ZNF776: variants seen among roughly 807,000 people sequenced by gnomAD.
ZNF776 encodes the protein zinc finger protein 776.
A neutral mutation model predicts 7.0 loss-of-function variants in ZNF776; 4 were observed. The observed-to-expected ratio is 0.57, with a 90% confidence interval of 0.28 to 1.31. The LOEUF is 1.31. Ranked by LOEUF, ZNF776 falls within the 50% of genes most tolerant of loss-of-function variation. The probability of loss-of-function intolerance (pLI) is 0.10; values close to 1 mark genes in which losing one functional copy is unlikely to be tolerated. For synonymous variants in ZNF776, 212 were observed against 213.7 expected, an observed-to-expected ratio of 0.99 and a Z score of 0.07; for missense variants, 555 against 625.9, an observed-to-expected ratio of 0.89 and a Z score of 1.21.
In ZNF776 at chr19:57,753,837, A is replaced by T. The variant is rs752240387; in HGVS notation, c.707A>T (p.Tyr236Phe). The T allele has an allele frequency of 1.2e-6, 2 of 1,614,224 alleles. No homozygotes were observed. Among genetic ancestry groups the T allele is most frequent in the Non-Finnish European group, 1.7e-6 (2 of 1,180,032 alleles). Residue 236 changes from tyrosine to phenylalanine, a missense_variant, in exon 3 of 3, where the codon TAT (tyrosine) becomes TTT (phenylalanine). Coordinates refer to ENST00000317178, the MANE Select transcript of ZNF776 (RefSeq NM_173632.4). ...HQRLLPREGPYVCSDSGKFTS... is the reference protein window; with the variant it reads ...HQRLLPREGPFVCSDSGKFTS... ...AGACTTCTCCCTAGAGAAGGACCTT[A>T]TGTATGCAGTGATTCTGGGAAATTC...
At chr19:57,752,451 T>C (rs534505070) in intron 2 of ZNF776, among the ~76,000 whole-genome samples, 1 of 152,328 alleles carries the variant, frequency 6.6e-6, no homozygotes, top group South Asian at 2.1e-4. Context: ...TGTATATCTT[T>C]GCAGTGGGAC....
Position 57,747,058 on chromosome 19 carries a change from G to A in ZNF776, c.-1G>A. ...CGACCCCGCTTTCCCCACCCAGTCG[G>A]ATGGCGGCGGCCGCGCTGAGGCCCC... On this transcript the variant is annotated 5_prime_UTR_variant, in exon 1 of 3. Transcript: ENST00000317178. The A allele has an allele frequency of 1.3e-6, 2 of 1,587,558 alleles. No homozygotes were observed. The highest frequency in any genetic ancestry group is 1.7e-6 in the Non-Finnish European group (2 of 1,167,028).
intron 1 of ZNF776, among the ~76,000 whole-genome samples, chr19:57,747,668 C>A (rs1986477915): frequency 6.6e-6 from 1 of 152,130 alleles, no homozygotes; most frequent in Non-Finnish European, 1.5e-5. Flanking sequence ...GAGGCCTGAG[C>A]TTATCAAATC....
Position 57,747,041 on chromosome 19 carries a change from C to A in ZNF776, c.-18C>A. 6.3e-7 allele frequency: 1 copy of A among 1,579,532 alleles called. No individual in the cohort carries two copies. Among genetic ancestry groups the A allele is most frequent in the East Asian group, 2.4e-5 (1 of 42,524 alleles). On this transcript the variant is annotated 5_prime_UTR_variant, in exon 1 of 3. Coordinates refer to ENST00000317178, the MANE Select transcript of ZNF776 (RefSeq NM_173632.4). Reference sequence around the variant, plus strand: ...TGCTCGCCCCCTCCTTTCGACCCCGCTTTCCCCACCCAGTCGGATGGCGGC... The same window carrying A: ...TGCTCGCCCCCTCCTTTCGACCCCGATTTCCCCACCCAGTCGGATGGCGGC...
chr19:57,746,917 G>T lies in ZNF776; in HGVS notation c.-142G>T. On this transcript the variant is annotated 5_prime_UTR_variant, in exon 1 of 3. Transcript: ENST00000317178. ...ACCCAGAAGGTGGAGACGAGACGTT[G>T]TCCCGACTGCACAGAGGCTGCTCTG... is the stretch of plus-strand genomic sequence containing the variant. 1 of 769,380 alleles carries T rather than the reference G, an allele frequency of 1.3e-6. No homozygotes were observed. The highest frequency in any genetic ancestry group is 2.0e-6 in the Non-Finnish European group (1 of 491,898). The allele number at this position is 769,380 out of a possible 1,614,324, so 47.7% of individuals were successfully genotyped here. A position where few individuals can be genotyped will look rare whatever the true frequency, so the allele number is the denominator to read the frequency against.
At chr19:57,750,688 C>T (rs1376241292) in intron 1 of ZNF776, 97 bp from the exon 2 acceptor site, 24 of 1,456,396 alleles carry the variant, frequency 1.6e-5, no homozygotes, top group Non-Finnish European at 1.9e-5. Flanking sequence ...CCTAGTTTCT[C>T]CTTGTAGTTT....
intron 1 of ZNF776, 105 bp downstream of exon 1, chr19:57,747,196 G>A (rs892911186): frequency 4.6e-6 from 6 of 1,302,070 alleles, no homozygotes; most frequent in Non-Finnish European, 6.3e-6. Context: ...TGAACCCGGC[G>A]TCGGGACACT....
chr19:57,751,788 A>G (rs1600067478), intron 2 of ZNF776, among the ~76,000 whole-genome samples: 1 of 138,056 alleles, frequency 7.2e-6, no homozygotes, highest in Non-Finnish European at 1.5e-5. Context: ...TAATCCTCCC[A>G]CCTGACTCCT....
At position 57,756,124 on chromosome 19, in the gene ZNF776, G is replaced by T. The variant is rs1986769189; in HGVS notation, c.*1437G>T. ...AAAGTTTACAAATTTGTGTTGGGCTGCATTCAAAGCTGTCCTGAGATACAT... is the reference window on the plus strand; with the variant it reads ...AAAGTTTACAAATTTGTGTTGGGCTTCATTCAAAGCTGTCCTGAGATACAT... On this transcript the variant is annotated 3_prime_UTR_variant, in exon 3 of 3. Transcript: ENST00000317178. 6.6e-6 allele frequency: 1 copy of T among 152,218 alleles called. No homozygotes were observed. Among genetic ancestry groups the T allele is most frequent in the Non-Finnish European group, 1.5e-5 (1 of 68,048 alleles). The allele number at this position is 152,218 out of a possible 1,614,324, so 9.4% of individuals were successfully genotyped here. A position where few individuals can be genotyped will look rare whatever the true frequency, so the allele number is the denominator to read the frequency against.
At chr19:57,751,044 T>G (rs1986588466) in intron 2 of ZNF776, 133 bp downstream of exon 2, 1 of 1,081,838 alleles carries the variant, frequency 9.2e-7, no homozygotes, top group East Asian at 2.9e-5. Context: ...CCTGGGTAGG[T>G]TCTATGTGGT....
In ZNF776 at chr19:57,756,134, C is replaced by T. The variant is rs1379011346; in HGVS notation, c.*1447C>T. The T allele has an allele frequency of 1.3e-5, 2 of 152,190 alleles. No homozygotes were observed. The highest frequency in any genetic ancestry group is 4.8e-5 in the African/African-American group (2 of 41,446). 9.4% of individuals were successfully genotyped at this position (152,190 alleles called of 1,614,324 possible). ...AATTTGTGTTGGGCTGCATTCAAAG[C>T]TGTCCTGAGATACATGCGGCCCACA... On this transcript the variant is annotated 3_prime_UTR_variant, in exon 3 of 3. Coordinates refer to ENST00000317178, the MANE Select transcript of ZNF776 (RefSeq NM_173632.4).
In ZNF776 at chr19:57,753,990, C is replaced by T. The variant is rs1299818398; in HGVS notation, c.860C>T (p.Thr287Ile). 3 of 1,614,090 alleles carry T rather than the reference C, an allele frequency of 1.9e-6. No homozygotes were observed. The highest frequency in any genetic ancestry group is 2.5e-6 in the Non-Finnish European group (3 of 1,180,038). The stretch of plus-strand genomic sequence containing the variant: ...CTCACTGAACACCAGAGAGTTCACA[C>T]TGGAGAAAGACCTTATGAGTGTGGA... Reference protein sequence around the residue: ...AHLTEHQRVHTGERPYECGEC... With the variant: ...AHLTEHQRVHIGERPYECGEC... The change falls in exon 3 of 3, where the codon ACT becomes ATT. Residue 287 changes from threonine (T) to isoleucine (I), a missense_variant. Coordinates refer to ENST00000317178, the MANE Select transcript of ZNF776 (RefSeq NM_173632.4).
Position 57,754,148 on chromosome 19 carries a change from C to G in ZNF776, c.1018C>G (p.Arg340Gly), listed in dbSNP as rs924404866. Residue 340 changes from arginine (R) to glycine (G), a missense_variant, in exon 3 of 3, where the codon CGA becomes GGA. By Grantham distance (125) the Arg-to-Gly change is moderately radical (BLOSUM62 -2). Coordinates refer to ENST00000317178, the MANE Select transcript of ZNF776 (RefSeq NM_173632.4). ...TAAGCGCAGCCTTGTTCACCACCAG[C>G]GAGTTCACACTGGAGAAAGACCTTA... ...SHKRSLVHHQ[R>G]VHTGERPYQC... 1 of 1,612,830 alleles carries G rather than the reference C, an allele frequency of 6.2e-7. No individual in the cohort carries two copies. The highest frequency in any genetic ancestry group is 1.3e-5 in the African/African-American group (1 of 74,444).
chr19:57,753,158 G>A (rs1407544878), intron 2 of ZNF776, 133 bp from the exon 3 acceptor site: 5 of 797,248 alleles, frequency 6.3e-6, no homozygotes, highest in Non-Finnish European at 8.1e-6. Flanking sequence ...TAAAGCATGT[G>A]GGTGCTATAT....
In ZNF776 at chr19:57,753,629, C is replaced by G; in HGVS notation, c.499C>G (p.His167Asp). Residue 167 changes from histidine to aspartate, a missense_variant, in exon 3 of 3, where the codon CAT (histidine) becomes GAT (aspartate). His to Asp is a moderately conservative substitution (Grantham distance 81, BLOSUM62 -1). Transcript: ENST00000317178. ...FHMSHEPFIF[H>D]EVGKDFLSSL... ...TATGTCACATGAGCCATTTATCTTT[C>G]ATGAGGTTGGGAAAGACTTTTTGTC... 6.2e-7 allele frequency: 1 copy of G among 1,614,114 alleles called. No individual in the cohort carries two copies. The highest frequency in any genetic ancestry group is 1.1e-5 in the South Asian group (1 of 91,080).
Position 57,754,538 on chromosome 19 carries a change from C to G in ZNF776, c.1408C>G (p.His470Asp). 1 of 1,614,098 alleles carries G rather than the reference C, an allele frequency of 6.2e-7. No homozygotes were observed. Among genetic ancestry groups the G allele is most frequent in the Non-Finnish European group, 8.5e-7 (1 of 1,180,018 alleles). ...GTGTGGAGAATGTGGGAAATGTTTT[C>G]ATCAAAAGGGCAGTCTCATTCGACA... The part of the protein sequence containing the change: ...HECGECGKCF[H>D]QKGSLIRHQQ... The change falls in exon 3 of 3, where the codon CAT becomes GAT. Residue 470 changes from histidine (H) to aspartate (D), a missense_variant. His to Asp is a moderately conservative substitution (Grantham distance 81, BLOSUM62 -1). Transcript: ENST00000317178.
chr19:57,756,991 T>A lies in ZNF776; in HGVS notation c.*2304T>A. The A allele has an allele frequency of 2.8e-6, 1 of 360,782 alleles. No individual in the cohort carries two copies. The highest frequency in any genetic ancestry group is 5.4e-6 in the Non-Finnish European group (1 of 183,826). The allele number at this position is 360,782 out of a possible 1,614,324, so 22.3% of individuals were successfully genotyped here. A position where few individuals can be genotyped will look rare whatever the true frequency, so the allele number is the denominator to read the frequency against. ...CCTCAGCCTCCCGAGTACCTGAGAT[T>A]AGCCCAGGTAATTTAAGAATTTTTT... On this transcript the variant is annotated 3_prime_UTR_variant, in exon 3 of 3. Transcript: ENST00000317178.
intron 2 of ZNF776, 137 bp downstream of exon 2, chr19:57,751,048 A>G (rs756817932): frequency 1.7e-5 from 18 of 1,047,242 alleles, no homozygotes; most frequent in East Asian, 3.0e-5. Flanking sequence ...GGTAGGTTCT[A>G]TGTGGTATGT....
At chr19:57,751,700 C>T (rs1312160285) in intron 2 of ZNF776, among the ~76,000 whole-genome samples, 1 of 148,406 alleles carries the variant, frequency 6.7e-6, no homozygotes, top group African/African-American at 2.5e-5. Flanking sequence ...TTTTTTCAGA[C>T]AGGGTTTCAC....
Sources: allele counts gnomAD v4.1 joint callset (sites outside exome capture counted in the v4.1 genomes callset), GRCh38; gene constraint gnomAD v4.1.1; transcripts MANE v1.5; gene names NCBI Gene and HGNC (gene_info 2026-07-23, HGNC 2026-07-21).